The following FAM135B variants were observed in gnomAD, a reference collection of about 807,000 sequenced individuals.
The protein encoded by FAM135B is protein FAM135B.
Under a neutral mutation model 127.7 loss-of-function variants are expected in FAM135B, and 43 were observed. The ratio of observed to expected loss-of-function variants is 0.34; its 90% CI spans 0.26 to 0.43. The LOEUF (loss-of-function observed/expected upper bound fraction) is 0.43. FAM135B is among the 20% of genes least tolerant of loss of function. FAM135B has a pLI of 1.00. For missense variants in FAM135B, 1,558 were observed against 1,725.6 expected, an observed-to-expected ratio of 0.90 and a Z score of 1.72; for synonymous variants, 670 against 665.1, an observed-to-expected ratio of 1.01 and a Z score of -0.11.
rs1448164538 is a variant in FAM135B, at chr8:138,497,250, C to A, written c.-599G>T. 4.0e-5 allele frequency among the ~76,000 whole-genome samples: 6 copies of A among 150,552 alleles called. No individual in the cohort carries two copies. The highest frequency in any genetic ancestry group is 8.9e-5 in the Non-Finnish European group (6 of 67,510). On this transcript the variant is annotated 5_prime_UTR_variant, in exon 1 of 20. Coordinates refer to ENST00000395297, the MANE Select transcript of FAM135B (RefSeq NM_015912.4). Reference sequence around the variant, plus strand: ...AGCCGCTGCGCACCGCGTGGGTAGACGCTGCGCGACTGGCTGGCGGCGCGG... The same window carrying A: ...AGCCGCTGCGCACCGCGTGGGTAGAAGCTGCGCGACTGGCTGGCGGCGCGG...
At chr8:138,198,161 G>A (rs945134617) in intron 7 of FAM135B, among the ~76,000 whole-genome samples, 1 of 152,186 alleles carries the variant, frequency 6.6e-6, no homozygotes, top group Non-Finnish European at 1.5e-5. Context: ...TCTCATGATA[G>A]TGAATAAGTC....
intron 7 of FAM135B, among the ~76,000 whole-genome samples, chr8:138,203,882 C>A (rs1421804109): frequency 6.6e-6 from 1 of 152,138 alleles, no homozygotes; most frequent in Non-Finnish European, 1.5e-5. Context: ...GAGACAGTGA[C>A]AGATCATCAG....
chr8:138,180,963 G>A (rs972392299), intron 9 of FAM135B, among the ~76,000 whole-genome samples: 5 of 152,064 alleles, frequency 3.3e-5, no homozygotes, highest in African/African-American at 9.7e-5. Flanking sequence ...AACTGGGGCC[G>A]GGCATGGTGG....
intron 3 of FAM135B, among the ~76,000 whole-genome samples, chr8:138,308,594 T>C (rs1245956666): frequency 4.6e-5 from 7 of 151,856 alleles, no homozygotes; most frequent in Non-Finnish European, 7.4e-5. Flanking sequence ...TTCATCATAA[T>C]TATTCTTCTG....
intron 1 of FAM135B, among the ~76,000 whole-genome samples, chr8:138,427,479 C>A (rs1368269947): frequency 6.6e-6 from 1 of 151,970 alleles, no homozygotes; most frequent in South Asian, 2.1e-4. Context: ...GTTTTCTGAA[C>A]CTTGACCTAT....
intron 7 of FAM135B, among the ~76,000 whole-genome samples, chr8:138,213,507 C>CTT (rs142780602): frequency 1.5e-3 from 211 of 139,634 alleles, no homozygotes; most frequent in African/African-American, 4.4e-3. Flanking sequence ...TATGTAATTT[C>CTT]TTTTTTTTTT....
At chr8:138,142,846 G>A (rs1295998321) in intron 16 of FAM135B, 166 bp downstream of exon 16, 3 of 551,592 alleles carry the variant, frequency 5.4e-6, no homozygotes, top group South Asian at 2.3e-5. Flanking sequence ...GAATGTGTAC[G>A]CCAGACCTGG....
At chr8:138,437,652 C>G (rs1181440749) in intron 1 of FAM135B, 1 of 152,192 alleles carries the variant, frequency 6.6e-6, no homozygotes, top group African/African-American at 2.4e-5. Flanking sequence ...TCTGCCATTT[C>G]CTAGCTGCAG....
At chr8:138,187,110 C>A (rs1244705007) in intron 9 of FAM135B, among the ~76,000 whole-genome samples, 2 of 152,194 alleles carry the variant, frequency 1.3e-5, no homozygotes, top group Non-Finnish European at 2.9e-5. Context: ...GCAGTGACTG[C>A]AGTTAACCTT....
intron 7 of FAM135B, among the ~76,000 whole-genome samples, chr8:138,221,146 A>T (rs1818994400): frequency 2.0e-5 from 3 of 152,192 alleles, no homozygotes; most frequent in African/African-American, 7.2e-5. Flanking sequence ...GTAATTTAGA[A>T]AGAAAAGAGG....
Position 138,250,995 on chromosome 8 carries a change from C to A in FAM135B, c.388G>T (p.Ala130Ser). 2 of 1,613,910 alleles carry A rather than the reference C, an allele frequency of 1.2e-6. No individual in the cohort carries two copies. The highest frequency in any genetic ancestry group is 1.7e-4 in the Middle Eastern group (1 of 6,060). The part of the protein sequence containing the change: ...SEQQLRDVAG[A>S]PMVSSRTLGL... Reference sequence around the variant, plus strand: ...AGCGTTCGGCTGCTGACCATCGGTGCCCCAGCCACATCCCTCAACCTAGAA... The same window carrying A: ...AGCGTTCGGCTGCTGACCATCGGTGACCCAGCCACATCCCTCAACCTAGAA... Residue 130 changes from alanine to serine, a missense_variant, in exon 6 of 20, where the codon GCA becomes TCA. By Grantham distance (99) the Ala-to-Ser change is moderately conservative. Around this residue, in one of 5 missense-constraint regions of FAM135B, gnomAD observed 199 missense variants for 245.7 expected, o/e 0.81. Transcript: ENST00000395297.
intron 9 of FAM135B, 150 bp downstream of exon 9, chr8:138,195,108 G>C: frequency 7.2e-6 from 5 of 690,020 alleles, no homozygotes; most frequent in Non-Finnish European, 1.2e-5. Flanking sequence ...TAGGGTAACA[G>C]AATGTAAGAA....
intron 2 of FAM135B, among the ~76,000 whole-genome samples, 172 bp from the exon 3 acceptor site, chr8:138,311,092 G>C (rs974749197): frequency 2.0e-5 from 3 of 152,232 alleles, no homozygotes; most frequent in Admixed American, 2.0e-4. Flanking sequence ...GTTGGAGAGG[G>C]AAGTGACGGG....
At chr8:138,198,648 T>C (rs1816858455) in intron 7 of FAM135B, among the ~76,000 whole-genome samples, 1 of 152,224 alleles carries the variant, frequency 6.6e-6, no homozygotes, top group Non-Finnish European at 1.5e-5. Context: ...CATTATATTT[T>C]GTTTGTAGAA....
At position 138,224,473 on chromosome 8, in the gene FAM135B, G is replaced by A. The variant is rs183757925; in HGVS notation, c.669+18469C>T. Among the ~76,000 whole-genome samples the A allele has an allele frequency of 8.5e-5, 13 of 152,248 alleles. No homozygotes were observed. In the East Asian group the frequency reaches 2.5e-3, roughly 29 times the overall value. On this transcript the variant is annotated intron_variant, in intron 7 of 19. Coordinates refer to ENST00000395297, the MANE Select transcript of FAM135B (RefSeq NM_015912.4). ...TTTTTTTGAGACAGAGTCTTGCTCT[G>A]TCGCCCAGGCTGGAATGCAGAGGCC...
intron 5 of FAM135B, among the ~76,000 whole-genome samples, chr8:138,254,653 A>G (rs1194423105): frequency 6.6e-6 from 1 of 152,174 alleles, no homozygotes. Context: ...AATGGGATGA[A>G]GCAGGTAGGA....
chr8:138,223,666 T>A (rs78006822), intron 7 of FAM135B, among the ~76,000 whole-genome samples: 3,147 of 152,254 alleles, frequency 0.021, 47 homozygotes, highest in South Asian at 0.041. Context: ...GTTCATTGAG[T>A]ATTAAACAAT....
chr8:138,179,886 GC>G (rs35851386), intron 9 of FAM135B, among the ~76,000 whole-genome samples: 1 of 152,068 alleles, frequency 6.6e-6, no homozygotes, highest in East Asian at 1.9e-4. Flanking sequence ...TCACTGTGTT[GC>G]CCAGGCTGGT....
At chr8:138,405,349 T>C (rs1182506411) in intron 1 of FAM135B, among the ~76,000 whole-genome samples, 1 of 149,394 alleles carries the variant, frequency 6.7e-6, no homozygotes, top group Non-Finnish European at 1.5e-5. Flanking sequence ...TAGGTATATC[T>C]CCTAATGTTA....
Sources: allele counts gnomAD v4.1 joint callset (sites outside exome capture counted in the v4.1 genomes callset), GRCh38; gene constraint gnomAD v4.1.1; regional missense constraint gnomAD v4.1.1; transcripts MANE v1.5; gene names NCBI Gene and HGNC (gene_info 2026-07-23, HGNC 2026-07-21).